Variants in MAP2K6 observed in about 807,000 individuals in gnomAD.
MAP2K6 encodes the protein dual specificity mitogen-activated protein kinase kinase 6.
A neutral mutation model predicts 53.7 loss-of-function variants in MAP2K6; 16 were observed. The ratio of observed to expected loss-of-function variants is 0.30; its 90% CI spans 0.20 to 0.45. MAP2K6 has a LOEUF of 0.45. MAP2K6 is among the 20% of genes least tolerant of loss of function. The pLI, the probability that MAP2K6 is intolerant of heterozygous loss-of-function variation, is 1.00. For synonymous variants in MAP2K6, 132 were observed against 143.1 expected (o/e 0.92, Z 0.55); for missense variants, 204 against 411.9 (o/e 0.50, Z 4.37).
At chr17:69,525,500 GAGT>G (rs1910721353) in intron 9 of MAP2K6, among the ~76,000 whole-genome samples, 1 of 152,162 alleles carries the variant, frequency 6.6e-6, no homozygotes, top group Non-Finnish European at 1.5e-5. Context: ...CCCCAAGACT[GAGT>G]AATTTAAAAG....
chr17:69,520,931 A>C (rs1483880661), intron 6 of MAP2K6, 118 bp from the exon 7 acceptor site: 1 of 730,796 alleles, frequency 1.4e-6, no homozygotes, highest in African/African-American at 1.8e-5. Context: ...GACCACCACT[A>C]TTTGAGAAAA....
intron 2 of MAP2K6, among the ~76,000 whole-genome samples, chr17:69,512,328 GTTTTTTTTT>G (rs796414361): frequency 0.01 from 767 of 75,226 alleles, 14 homozygotes; most frequent in African/African-American, 0.036. Context: ...CTTTCTAAGT[GTTTTTTTTT>G]TGTTTTTTTT....
chr17:69,469,765 AAAAAAAT>A (rs1346880429), intron 1 of MAP2K6, among the ~76,000 whole-genome samples: 1 of 152,206 alleles, frequency 6.6e-6, no homozygotes, highest in Non-Finnish European at 1.5e-5. Flanking sequence ...ACTCCATCTC[AAAAAAAT>A]AAATAAGTAA....
At chr17:69,484,031 T>C (rs779898939) in intron 1 of MAP2K6, among the ~76,000 whole-genome samples, 2 of 152,106 alleles carry the variant, frequency 1.3e-5, no homozygotes, top group East Asian at 3.8e-4. Flanking sequence ...CTTGGATTTG[T>C]CAACGATTTC....
chr17:69,533,770 A>C (rs146813126), intron 10 of MAP2K6, among the ~76,000 whole-genome samples: 1 of 147,668 alleles, frequency 6.8e-6, no homozygotes, highest in African/African-American at 2.5e-5. Context: ...GTCTGTGTGC[A>C]AGTCAGCAAC....
At chr17:69,531,287 C>G (rs1187430846) in intron 10 of MAP2K6, among the ~76,000 whole-genome samples, 3 of 152,184 alleles carry the variant, frequency 2.0e-5, no homozygotes, top group African/African-American at 7.2e-5. Context: ...GCCTAGGTAA[C>G]TGTCAGAGTA....
At chr17:69,415,201 A>G (rs1300162315) in intron 1 of MAP2K6, among the ~76,000 whole-genome samples, 1 of 152,084 alleles carries the variant, frequency 6.6e-6, no homozygotes, top group Non-Finnish European at 1.5e-5. Context: ...TCAGCTGTGC[A>G]TTGACGTTAT....
intron 1 of MAP2K6, among the ~76,000 whole-genome samples, chr17:69,422,676 G>A (rs1444146347): frequency 1.3e-5 from 2 of 152,142 alleles, no homozygotes; most frequent in African/African-American, 4.8e-5. Flanking sequence ...CATATAGTAT[G>A]CTTTAGGATG....
At chr17:69,415,657 G>A (rs1905876106) in intron 1 of MAP2K6, among the ~76,000 whole-genome samples, 1 of 152,204 alleles carries the variant, frequency 6.6e-6, no homozygotes, top group Admixed American at 6.5e-5. Context: ...TTTAGAAGCA[G>A]CAGTGAAGAC....
At chr17:69,445,172 C>T (rs975449901) in intron 1 of MAP2K6, among the ~76,000 whole-genome samples, 4 of 152,168 alleles carry the variant, frequency 2.6e-5, no homozygotes, top group African/African-American at 4.8e-5. Context: ...CTGCCCACCT[C>T]GGCCTCCCAA....
intron 1 of MAP2K6, among the ~76,000 whole-genome samples, chr17:69,491,624 G>A (rs1908756218): frequency 6.6e-6 from 1 of 152,064 alleles, no homozygotes. Context: ...TCTGTTTTTA[G>A]CTCTTTGAGG....
intron 1 of MAP2K6, among the ~76,000 whole-genome samples, chr17:69,439,366 G>C (rs1251804281): frequency 2.0e-5 from 3 of 152,092 alleles, no homozygotes. Flanking sequence ...CTCTCTCTCT[G>C]TATGTGTCCT....
chr17:69,498,109 A>G (rs1307301985), intron 1 of MAP2K6, among the ~76,000 whole-genome samples: 2 of 152,146 alleles, frequency 1.3e-5, no homozygotes, highest in East Asian at 1.9e-4. Flanking sequence ...GACCCTTGCA[A>G]TGTGTACCCT....
rs1911693347 is a variant in MAP2K6, at chr17:69,542,615, G to A, written c.*862G>A. On this transcript the variant is annotated 3_prime_UTR_variant, in exon 12 of 12. Coordinates refer to ENST00000590474, the MANE Select transcript of MAP2K6 (RefSeq NM_002758.4). ...TCTACCTGTGTGTATGTGTGTGTTTGTGTGTCTATTTGGCAATTCACAAGT... is the reference window on the plus strand; with the variant it reads ...TCTACCTGTGTGTATGTGTGTGTTTATGTGTCTATTTGGCAATTCACAAGT... 2 of 152,216 alleles carry A rather than the reference G, an allele frequency of 1.3e-5. No individual in the cohort carries two copies. The highest frequency in any genetic ancestry group is 2.1e-4 in the South Asian group (1 of 4,832). The allele number at this position is 152,216 out of a possible 1,614,324, so 9.4% of individuals were successfully genotyped here.
chr17:69,499,299 G>A (rs900353680), intron 1 of MAP2K6, among the ~76,000 whole-genome samples: 2 of 152,182 alleles, frequency 1.3e-5, no homozygotes, highest in Admixed American at 6.5e-5. Flanking sequence ...AAATGTAAGC[G>A]TAAACATGGA....
At chr17:69,446,636 A>G (rs1229819673) in intron 1 of MAP2K6, among the ~76,000 whole-genome samples, 1 of 152,214 alleles carries the variant, frequency 6.6e-6, no homozygotes, top group African/African-American at 2.4e-5. Flanking sequence ...AAGTCACAGA[A>G]GTAGTTAATT....
Position 69,545,262 on chromosome 17 carries a change from C to A in MAP2K6, c.*3509C>A, listed in dbSNP as rs1239630741. ...GACTACTTTGAAGGAGATAGAACCC[C>A]CATAAAGGTATATGTTTGTTGATAA... is the stretch of plus-strand genomic sequence containing the variant. On this transcript the variant is annotated 3_prime_UTR_variant, in exon 12 of 12. Transcript: ENST00000590474. The A allele has an allele frequency of 6.6e-6, 1 of 152,062 alleles. No individual in the cohort carries two copies. Among genetic ancestry groups the A allele is most frequent in the Admixed American group, 6.5e-5 (1 of 15,272 alleles). 9.4% of individuals were successfully genotyped at this position (152,062 alleles called of 1,614,324 possible). A position where few individuals can be genotyped will look rare whatever the true frequency, so the allele number is the denominator to read the frequency against.
chr17:69,520,016 T>C (rs1910381093), intron 5 of MAP2K6: 1 of 419,500 alleles, frequency 2.4e-6, no homozygotes, highest in Non-Finnish European at 4.2e-6. Context: ...TGTTAGTAAT[T>C]AGATTCCATT....
chr17:69,435,027 T>C (rs1052558491), intron 1 of MAP2K6: 10 of 152,236 alleles, frequency 6.6e-5, no homozygotes, highest in African/African-American at 2.4e-4. Flanking sequence ...ACATTTTACC[T>C]TTCCTGCACT....
Sources: allele counts gnomAD v4.1 joint callset (sites outside exome capture counted in the v4.1 genomes callset), GRCh38; gene constraint gnomAD v4.1.1; transcripts MANE v1.5; gene names NCBI Gene and HGNC (gene_info 2026-07-23, HGNC 2026-07-21).